The following NALF1 variants were observed in gnomAD, a reference collection of about 807,000 sequenced individuals.
The protein encoded by NALF1 is family with sequence similarity 155 member A.
A neutral mutation model predicts 48.4 loss-of-function variants in NALF1; 3 were observed. That is an observed-to-expected ratio of 0.06 (90% confidence interval 0.03 to 0.16). The LOEUF is 0.16. NALF1 is among the 10% of genes least tolerant of loss of function. The pLI is 1.00. For missense variants in NALF1, 526 were observed against 571.5 expected (o/e 0.92, Z 0.81); for synonymous variants, 262 against 245.7 (o/e 1.07, Z -0.62).
intron 1 of NALF1, among the ~76,000 whole-genome samples, chr13:107,593,371 C>A (rs1878651725): frequency 6.6e-6 from 1 of 151,638 alleles, no homozygotes; most frequent in Admixed American, 6.6e-5. Context: ...TACTTTTTAA[C>A]CCTAGAATTT....
At chr13:107,739,777 T>C (rs748478129) in intron 1 of NALF1, among the ~76,000 whole-genome samples, 5 of 152,296 alleles carry the variant, frequency 3.3e-5, no homozygotes, top group Admixed American at 2.0e-4. Context: ...TGCTTCCCAG[T>C]GCTCACATTA....
chr13:107,270,851 T>TC (rs1271140492), intron 1 of NALF1, among the ~76,000 whole-genome samples: 2 of 143,076 alleles, frequency 1.4e-5, no homozygotes, highest in Admixed American at 7.0e-5. Context: ...TGTGTGATGT[T>TC]CCCCTTCCTG....
intron 1 of NALF1, among the ~76,000 whole-genome samples, chr13:107,786,914 T>C (rs1878092257): frequency 6.6e-6 from 1 of 152,166 alleles, no homozygotes; most frequent in South Asian, 2.1e-4. Flanking sequence ...GAGCAAACAA[T>C]GTTGGAAAGT....
At chr13:107,502,579 C>T (rs1404627208) in intron 1 of NALF1, among the ~76,000 whole-genome samples, 1 of 152,146 alleles carries the variant, frequency 6.6e-6, no homozygotes, top group Non-Finnish European at 1.5e-5. Flanking sequence ...ACTCCTTAAC[C>T]CTTCCCCTTG....
chr13:107,544,742 A>T (rs1390606521), intron 1 of NALF1, among the ~76,000 whole-genome samples: 12 of 152,166 alleles, frequency 7.9e-5, no homozygotes, highest in Admixed American at 7.9e-4. Flanking sequence ...ATGCTTTGTG[A>T]CAGGACTTTC....
At chr13:107,497,547 T>A (rs1875380948) in intron 1 of NALF1, among the ~76,000 whole-genome samples, 1 of 152,204 alleles carries the variant, frequency 6.6e-6, no homozygotes, top group Non-Finnish European at 1.5e-5. Context: ...TCCTCTGATG[T>A]ACACTTTCTT....
intron 1 of NALF1, among the ~76,000 whole-genome samples, chr13:107,309,147 C>G (rs1211147068): frequency 1.9e-5 from 1 of 53,100 alleles, no homozygotes; most frequent in African/African-American, 5.2e-5. Context: ...ACTTATTTTT[C>G]TAACTGTTGA....
chr13:107,251,660 A>C (rs796996503), intron 1 of NALF1, among the ~76,000 whole-genome samples: 5 of 152,268 alleles, frequency 3.3e-5, no homozygotes, highest in African/African-American at 1.2e-4. Flanking sequence ...AAAGTCAAAG[A>C]AGATGGAGTA....
intron 1 of NALF1, among the ~76,000 whole-genome samples, chr13:107,823,996 T>TTAG (rs898916358): frequency 8.6e-5 from 13 of 151,696 alleles, no homozygotes; most frequent in African/African-American, 3.1e-4. Flanking sequence ...ATTATTATTA[T>TTAG]TATTATTATT....
chr13:107,482,260 C>T (rs1374428953), intron 1 of NALF1, among the ~76,000 whole-genome samples: 1 of 152,036 alleles, frequency 6.6e-6, no homozygotes, highest in Non-Finnish European at 1.5e-5. Flanking sequence ...GGTCTCCAGC[C>T]GTGGCCTCCC....
chr13:107,730,059 C>A (rs1417941580), intron 1 of NALF1, among the ~76,000 whole-genome samples: 1 of 152,170 alleles, frequency 6.6e-6, no homozygotes, highest in African/African-American at 2.4e-5. Context: ...TACAACATCT[C>A]TTCTCTAAGT....
chr13:107,634,020 G>A (rs1594173639), intron 1 of NALF1, among the ~76,000 whole-genome samples: 1 of 69,752 alleles, frequency 1.4e-5, no homozygotes, highest in African/African-American at 3.6e-5. Context: ...ATTATGTGCA[G>A]AGTTATTTGA....
intron 1 of NALF1, among the ~76,000 whole-genome samples, chr13:107,348,885 A>T (rs1367525179): frequency 1.3e-5 from 2 of 152,220 alleles, no homozygotes; most frequent in East Asian, 3.8e-4. Flanking sequence ...CCTCATGTTA[A>T]ACCTCTCTTC....
chr13:107,729,456 T>A (rs112096752), intron 1 of NALF1, among the ~76,000 whole-genome samples: 5,954 of 152,002 alleles, frequency 0.039, 286 homozygotes, highest in African/African-American at 0.11. Flanking sequence ...ATGTATAAAG[T>A]TGCTATTAAA....
chr13:107,408,540 G>A (rs904659820), intron 1 of NALF1, among the ~76,000 whole-genome samples: 2 of 152,158 alleles, frequency 1.3e-5, no homozygotes, highest in East Asian at 1.9e-4. Flanking sequence ...TAGAGAAGCA[G>A]GGCACACAGA....
intron 1 of NALF1, among the ~76,000 whole-genome samples, chr13:107,289,671 G>A (rs1275799690): frequency 6.6e-6 from 1 of 152,162 alleles, no homozygotes; most frequent in African/African-American, 2.4e-5. Flanking sequence ...AGGCATCTGA[G>A]TGTACACATG....
At chr13:107,308,008 T>G (rs1881970710) in intron 1 of NALF1, among the ~76,000 whole-genome samples, 1 of 152,088 alleles carries the variant, frequency 6.6e-6, no homozygotes, top group Admixed American at 6.6e-5. Flanking sequence ...AACGCTGTCA[T>G]GATTATCTTC....
rs570216983 is a variant in NALF1, at chr13:107,850,277, A to G, written c.915+15405T>C. 1.3e-5 allele frequency among the ~76,000 whole-genome samples: 2 copies of G among 151,516 alleles called. 1 individual carries two copies. The highest frequency in any genetic ancestry group is 4.2e-4 in the South Asian group (2 of 4,812). On this transcript the variant is annotated intron_variant, in intron 1 of 2. Transcript: ENST00000375915. ...TTGCTGTCTCTCCACATATCAAATT[A>G]AAATAAAAAGATAAAATTTGATTAA...
Position 107,627,853 on chromosome 13 carries a change from G to T in NALF1, c.915+237829C>A, listed in dbSNP as rs116428909. Among the ~76,000 whole-genome samples the T allele has an allele frequency of 4.1e-3, 620 of 152,152 alleles. 8 individuals carry two copies. Among genetic ancestry groups the T allele is most frequent in the African/African-American group, 0.015 (604 of 41,518 alleles). Reference sequence around the variant, plus strand: ...TGCCTTAATTTGCTCTCACCTCTGAGTCCCTCTGAAACCAAACTCGCTGGA... The same window carrying T: ...TGCCTTAATTTGCTCTCACCTCTGATTCCCTCTGAAACCAAACTCGCTGGA... On this transcript the variant is annotated intron_variant, in intron 1 of 2. Transcript: ENST00000375915.
Sources: allele counts gnomAD v4.1 joint callset (sites outside exome capture counted in the v4.1 genomes callset), GRCh38; gene constraint gnomAD v4.1.1; transcripts MANE v1.5; gene names NCBI Gene and HGNC (gene_info 2026-07-23, HGNC 2026-07-21).